OR1B1: variants seen among roughly 807,000 people sequenced by gnomAD.
OR1B1 encodes olfactory receptor family 1 subfamily B member 1, also known as olfactory receptor 1B1.
For missense variants in OR1B1, 414 were observed against 402.1 expected, an observed-to-expected ratio of 1.03 and a Z score of -0.25; for synonymous variants, 168 against 156.2, an observed-to-expected ratio of 1.08 and a Z score of -0.57.
At chr9:122,636,001 A>G in the OR1B1 span, among the ~76,000 whole-genome samples, 2 of 152,208 alleles carry the variant, frequency 1.3e-5, no homozygotes, top group Non-Finnish European at 2.9e-5. Context: ...TAAACTATTG[A>G]AAAAATAAAA....
chr9:122,629,154 T>C, exon 1 of OR1B1: 3 of 1,614,026 alleles, frequency 1.9e-6, no homozygotes, highest in Non-Finnish European at 2.5e-6. Context: ...GGGTCACAGA[T>C]GGCCACATAG....
the OR1B1 span, among the ~76,000 whole-genome samples, chr9:122,656,925 T>C: frequency 1.9e-4 from 29 of 152,338 alleles, 1 homozygote; most frequent in East Asian, 4.8e-3. Flanking sequence ...AGTAACATCA[T>C]TGAAAATAGT....
the OR1B1 span, among the ~76,000 whole-genome samples, chr9:122,652,112 A>G: frequency 6.6e-6 from 1 of 152,206 alleles, no homozygotes; most frequent in African/African-American, 2.4e-5. Flanking sequence ...AAAATTCCAT[A>G]TTAAAATTAG....
upstream of OR1B1, among the ~76,000 whole-genome samples, chr9:122,634,152 C>T (rs1455178881): frequency 6.6e-6 from 1 of 151,704 alleles, no homozygotes; most frequent in Non-Finnish European, 1.5e-5. Flanking sequence ...ACCTGACCAA[C>T]GTGGAGAAAC....
the OR1B1 span, among the ~76,000 whole-genome samples, chr9:122,646,255 G>A: frequency 1.3e-5 from 2 of 151,906 alleles, no homozygotes; most frequent in Admixed American, 6.6e-5. Flanking sequence ...CACATTCACT[G>A]AAAGGAAGAC....
upstream of OR1B1, among the ~76,000 whole-genome samples, chr9:122,631,412 C>T (rs565034619): frequency 1.3e-5 from 2 of 152,070 alleles, no homozygotes; most frequent in African/African-American, 2.4e-5. Context: ...CTCCTGACCT[C>T]GTGATCCGCC....
exon 1 of OR1B1, chr9:122,629,572 C>A: frequency 7.4e-7 from 1 of 1,345,666 alleles, no homozygotes; most frequent in Non-Finnish European, 1.0e-6. Flanking sequence ...CAGTTTAAGT[C>A]AAAAAGAAAG....
chr9:122,638,382 CT>C, the OR1B1 span, among the ~76,000 whole-genome samples: 1 of 152,086 alleles, frequency 6.6e-6, no homozygotes, highest in African/African-American at 2.4e-5. Flanking sequence ...TACTGTGAAG[CT>C]TTTCCTATTA....
rs140224000 is a variant in OR1B1, at chr9:122,628,775, A to G, written c.761T>C (p.Val254Ala). 57 of 1,614,020 alleles carry G rather than the reference A, an allele frequency of 3.5e-5. No individual in the cohort carries two copies. In the African/African-American group the frequency reaches 6.0e-4, roughly 17 times the overall value. ...AATGATGGTGCCGTAGAGGAAACCA[A>G]CCATGGTGAGGTGGGATCCACAGGT... is the stretch of plus-strand genomic sequence containing the variant. The change falls in exon 1 of 1, where the codon GTT (valine) becomes GCT (alanine). Residue 254 changes from valine (V) to alanine (A), a missense_variant. Val to Ala is a moderately conservative substitution (Grantham distance 64, BLOSUM62 0). Transcript: ENST00000623530.
the OR1B1 span, chr9:122,637,145 G>A: frequency 6.6e-6 from 1 of 152,196 alleles, no homozygotes; most frequent in Non-Finnish European, 1.5e-5. Context: ...TAGGGAAAGA[G>A]GGATGCGACT....
rs760416406 is a variant in OR1B1 at position 122,628,865 on chromosome 9, T to C, written c.671A>G (p.Tyr224Cys). The C allele has an allele frequency of 3.7e-6, 6 of 1,613,952 alleles. No individual in the cohort carries two copies. In the Admixed American group the frequency reaches 5.0e-5, roughly 13 times the overall value. Residue 224 changes from tyrosine to cysteine, a missense_variant, in exon 1 of 1, where the codon TAT (tyrosine) becomes TGT (cysteine). Transcript: ENST00000623530. ...TAGAATAGCGGCCCCAATTCGGACA[T>C]AAGAGAGTACAATGAGGGCACAGGG...
At chr9:122,634,585 C>A in the OR1B1 span, among the ~76,000 whole-genome samples, 3 of 151,976 alleles carry the variant, frequency 2.0e-5, no homozygotes, top group Non-Finnish European at 4.4e-5. Context: ...CGTGAGAATG[C>A]ACTATCACGA....
chr9:122,645,044 C>A, the OR1B1 span, among the ~76,000 whole-genome samples: 2 of 152,040 alleles, frequency 1.3e-5, no homozygotes, highest in African/African-American at 2.4e-5. Flanking sequence ...CAAGAAAACA[C>A]AGAAAAGGAA....
chr9:122,634,526 GGAGA>G (rs992891921), upstream of OR1B1, among the ~76,000 whole-genome samples: 52 of 152,184 alleles, frequency 3.4e-4, no homozygotes, highest in Middle Eastern at 0.014. Flanking sequence ...CAAGGCAACA[GGAGA>G]GAGAAAATGC....
At chr9:122,634,830 C>T in the OR1B1 span, among the ~76,000 whole-genome samples, 2 of 152,088 alleles carry the variant, frequency 1.3e-5, no homozygotes, top group African/African-American at 4.8e-5. Context: ...TGAGATAGCA[C>T]CTCACACCTG....
exon 1 of OR1B1, chr9:122,629,558 A>C: frequency 1.4e-6 from 2 of 1,451,418 alleles, no homozygotes; most frequent in Non-Finnish European, 1.9e-6. Context: ...GCCTGCCTGA[A>C]AGACAGTTTA....
chr9:122,642,374 T>C, the OR1B1 span, among the ~76,000 whole-genome samples: 2 of 152,116 alleles, frequency 1.3e-5, no homozygotes, highest in Non-Finnish European at 2.9e-5. Context: ...TGACTCTGGA[T>C]TGTGTGACTC....
chr9:122,632,654 G>A (rs973006516), upstream of OR1B1, among the ~76,000 whole-genome samples: 12 of 151,940 alleles, frequency 7.9e-5, no homozygotes, highest in Non-Finnish European at 1.6e-4. Context: ...TCCTACTTAT[G>A]AGTGAGAACA....
At chr9:122,628,840 T>C (rs781653947) in exon 1 of OR1B1, 1 of 1,613,784 alleles carries the variant, frequency 6.2e-7, no homozygotes, top group Non-Finnish European at 8.5e-7. Flanking sequence ...AAGGCAAACG[T>C]AGAATAGCGG....
Sources: allele counts gnomAD v4.1 joint callset (sites outside exome capture counted in the v4.1 genomes callset), GRCh38; gene constraint gnomAD v4.1.1; transcripts MANE v1.5; gene names NCBI Gene and HGNC (gene_info 2026-07-23, HGNC 2026-07-21).